FRA10AC1: variants seen among roughly 807,000 people sequenced by gnomAD.
The protein encoded by FRA10AC1 is protein FRA10AC1.
In FRA10AC1, 43 loss-of-function variants were observed where a neutral mutation model predicts 56.5. The ratio of observed to expected loss-of-function variants is 0.76; its 90% CI spans 0.60 to 0.98. FRA10AC1 has a LOEUF of 0.98. FRA10AC1 is among the 50% of genes least tolerant of loss of function. The pLI is 0.00. For synonymous variants in FRA10AC1, 112 were observed against 110.5 expected, an observed-to-expected ratio of 1.01 and a Z score of -0.09; for missense variants, 346 against 351.8, an observed-to-expected ratio of 0.98 and a Z score of 0.13.
At chr10:93,700,623 C>G (rs1360616300) in intron 1 of FRA10AC1, among the ~76,000 whole-genome samples, 1 of 152,130 alleles carries the variant, frequency 6.6e-6, no homozygotes, top group African/African-American at 2.4e-5. Flanking sequence ...GATTCCTGCG[C>G]CCACAATTTC....
Position 93,669,734 on chromosome 10 carries a change from G to A in FRA10AC1, c.*92C>T, listed in dbSNP as rs1251550711. On this transcript the variant is annotated 3_prime_UTR_variant, in exon 14 of 14. Coordinates refer to ENST00000359204, the MANE Select transcript of FRA10AC1 (RefSeq NM_145246.5). ...AGACAAACCACACAAGCTGTAACTT[G>A]CAGATAAAAACTTATATGGAATTTC... is the stretch of plus-strand genomic sequence containing the variant. The A allele has an allele frequency of 2.5e-6, 2 of 794,208 alleles. No individual in the cohort carries two copies. Among genetic ancestry groups the A allele is most frequent in the African/African-American group, 1.8e-5 (1 of 54,920 alleles). 49.2% of individuals were successfully genotyped at this position (794,208 alleles called of 1,614,324 possible).
At chr10:93,683,904 C>T (rs902272226) in intron 10 of FRA10AC1, 152 bp downstream of exon 10, 28 of 585,538 alleles carry the variant, frequency 4.8e-5, no homozygotes, top group African/African-American at 4.3e-4. Context: ...CTAAACCCCT[C>T]GTTTATGTAG....
chr10:93,681,660 C>A, intron 10 of FRA10AC1, 62 bp from the exon 11 acceptor site: 3 of 1,379,814 alleles, frequency 2.2e-6, no homozygotes, highest in Non-Finnish European at 2.8e-6. Flanking sequence ...CAAAAATAAC[C>A]ATCATATGAA....
chr10:93,681,136 G>A (rs556235079), intron 11 of FRA10AC1, among the ~76,000 whole-genome samples: 1 of 152,104 alleles, frequency 6.6e-6, no homozygotes, highest in Admixed American at 6.5e-5. Context: ...CAGTATGAAG[G>A]CCAGGTATGC....
At chr10:93,701,927 A>G (rs2133951265) in intron 1 of FRA10AC1, among the ~76,000 whole-genome samples, 2 of 152,280 alleles carry the variant, frequency 1.3e-5, no homozygotes, top group East Asian at 3.9e-4. Context: ...ATTTATAAAA[A>G]GAGGCTAGTA....
At position 93,676,670 on chromosome 10, in the gene FRA10AC1, G is replaced by T; in HGVS notation, c.809C>A (p.Ser270Tyr). The T allele has an allele frequency of 1.3e-6, 2 of 1,566,706 alleles. No homozygotes were observed. The highest frequency in any genetic ancestry group is 2.0e-5 in the Admixed American group (1 of 49,488). The change falls in exon 12 of 14, where the codon TCT (serine) becomes TAT (tyrosine). Residue 270 changes from serine (S) to tyrosine (Y), a missense_variant. Ser to Tyr is a moderately radical substitution (Grantham distance 144). Coordinates refer to ENST00000359204, the MANE Select transcript of FRA10AC1 (RefSeq NM_145246.5). ...KDKGHSSSKK[S>Y]EDSLLRNSDE... The stretch of plus-strand genomic sequence containing the variant: ...TTACTTACTAAGTAGAGAATCTTCA[G>T]ATTTCTTTGAAGATGAATGTCCTGA...
In FRA10AC1 at chr10:93,669,873, T is replaced by TA. The variant is rs1380189007; in HGVS notation, c.906-6_906-5insT. ...TACTCATCAAATTCTTCTTCCCTAT[T>TA]TAAAAAAAAAAGCATACTTAAGATC... On this transcript the variant is annotated splice_region_variant and splice_polypyrimidine_tract_variant and intron_variant, in intron 13 of 13. Coordinates refer to ENST00000359204, the MANE Select transcript of FRA10AC1 (RefSeq NM_145246.5). The TA allele has an allele frequency of 2.6e-6, 4 of 1,538,118 alleles. No individual in the cohort carries two copies. Among genetic ancestry groups the TA allele is most frequent in the Non-Finnish European group, 2.7e-6 (3 of 1,122,206 alleles).
intron 5 of FRA10AC1, among the ~76,000 whole-genome samples, chr10:93,693,730 A>C (rs1211671856): frequency 1.4e-5 from 2 of 147,482 alleles, no homozygotes; most frequent in Non-Finnish European, 3.0e-5. Context: ...ATACCATGGA[A>C]TACTACTCAG....
intron 12 of FRA10AC1, among the ~76,000 whole-genome samples, chr10:93,675,869 T>C (rs891198274): frequency 6.6e-6 from 1 of 152,204 alleles, no homozygotes; most frequent in East Asian, 1.9e-4. Context: ...CAACATTATA[T>C]TACTGTTTAG....
At chr10:93,673,312 C>T in intron 12 of FRA10AC1, 1 of 456,564 alleles carries the variant, frequency 2.2e-6, no homozygotes, top group South Asian at 1.5e-5. Flanking sequence ...TACTTCCTCA[C>T]CTCTTCCCTC....
Position 93,692,084 on chromosome 10 carries a change from T to C in FRA10AC1, c.390A>G (p.Arg130=). ...ATTTATCATAGTATTTCTTAGCAAG[T>C]CTCTTCTCCCTAGACCCATGAAAAT... ...EDEMDMTWEK[R]LAKKYYDKLF... is the part of the protein sequence containing the mutation. Residue 130 remains arginine (R), a synonymous_variant, in exon 7 of 14, where the codon AGA becomes AGG. Coordinates refer to ENST00000359204, the MANE Select transcript of FRA10AC1 (RefSeq NM_145246.5). 6.5e-7 allele frequency: 1 copy of C among 1,546,402 alleles called. No homozygotes were observed. Among genetic ancestry groups the C allele is most frequent in the Non-Finnish European group, 8.7e-7 (1 of 1,153,334 alleles).
chr10:93,695,593 A>G (rs1036437271), intron 4 of FRA10AC1, among the ~76,000 whole-genome samples: 3 of 152,216 alleles, frequency 2.0e-5, no homozygotes, highest in Non-Finnish European at 4.4e-5. Flanking sequence ...ACATGCACAT[A>G]ATAGCTAACC....
intron 13 of FRA10AC1, 123 bp downstream of exon 13, chr10:93,670,647 C>T (rs2058746068): frequency 1.7e-6 from 1 of 586,926 alleles, no homozygotes; most frequent in Non-Finnish European, 3.0e-6. Context: ...TCTTACCAGG[C>T]TAGGCAGTCC....
At chr10:93,683,376 G>T (rs2058968902) in intron 10 of FRA10AC1, among the ~76,000 whole-genome samples, 1 of 151,104 alleles carries the variant, frequency 6.6e-6, no homozygotes, top group Non-Finnish European at 1.5e-5. Flanking sequence ...TTTTGAGACA[G>T]AGTTTTGCTC....
At position 93,700,012 on chromosome 10, in the gene FRA10AC1, T is replaced by TA. The variant is rs754064135; in HGVS notation, c.77+17dup. On this transcript the variant is annotated intron_variant, in intron 2 of 13. Coordinates refer to ENST00000359204, the MANE Select transcript of FRA10AC1 (RefSeq NM_145246.5). Reference sequence around the variant, plus strand: ...AGAAAGGATGTGAAAAATAGATCAATAAAAAAAAATTACTTACCTTTTTTT... The same window carrying TA: ...AGAAAGGATGTGAAAAATAGATCAATAAAAAAAAAATTACTTACCTTTTTTT... 2,083 of 1,310,446 alleles carry TA rather than the reference T, an allele frequency of 1.6e-3. No homozygotes were observed. The highest frequency in any genetic ancestry group is 1.9e-3 in the Non-Finnish European group (1,738 of 922,602). 81.2% of individuals were successfully genotyped at this position (1,310,446 alleles called of 1,614,324 possible).
intron 10 of FRA10AC1, among the ~76,000 whole-genome samples, chr10:93,683,508 G>A (rs890824263): frequency 5.3e-5 from 8 of 151,958 alleles, no homozygotes; most frequent in African/African-American, 1.7e-4. Context: ...CTGCCACCAC[G>A]CCCAGTTAAT....
intron 4 of FRA10AC1, among the ~76,000 whole-genome samples, chr10:93,695,190 C>T (rs958684): frequency 0.66 from 100,747 of 151,778 alleles, 34,178 homozygotes; most frequent in Middle Eastern, 0.78. Context: ...TAAAAATATA[C>T]CTCCATCTGG....
chr10:93,693,495 TATATATATATATACAC>T (rs2059161804), intron 5 of FRA10AC1, among the ~76,000 whole-genome samples: 1 of 66,214 alleles, frequency 1.5e-5, no homozygotes, highest in African/African-American at 4.5e-5. Flanking sequence ...TATATATATA[TATATATATATATACAC>T]CATATATATA....
rs1390848749 is a variant in FRA10AC1, at chr10:93,667,946, T to C, written c.*1880A>G. The C allele has an allele frequency of 6.6e-6, 1 of 152,194 alleles. No homozygotes were observed. The highest frequency in any genetic ancestry group is 2.4e-5 in the African/African-American group (1 of 41,452). The allele number at this position is 152,194 out of a possible 1,614,324, so 9.4% of individuals were successfully genotyped here. A position where few individuals can be genotyped will look rare whatever the true frequency, so the allele number is the denominator to read the frequency against. On this transcript the variant is annotated 3_prime_UTR_variant, in exon 14 of 14. Coordinates refer to ENST00000359204, the MANE Select transcript of FRA10AC1 (RefSeq NM_145246.5). Reference sequence around the variant, plus strand: ...ACTATCAAACAATGTTAAACACTGATAAACCCAACACTGATTTACTTTTCT... The same window carrying C: ...ACTATCAAACAATGTTAAACACTGACAAACCCAACACTGATTTACTTTTCT...
Sources: gnomAD v4.1 joint callset for allele counts (sites outside exome capture counted in the v4.1 genomes callset) on GRCh38, gnomAD v4.1.1 for gene constraint, MANE v1.5 for transcripts, NCBI Gene and HGNC (gene_info 2026-07-23, HGNC 2026-07-21) for gene names.